The following DSCAM variants were observed in gnomAD, a reference collection of about 807,000 sequenced individuals.
DSCAM encodes DS cell adhesion molecule, also known as cell adhesion molecule DSCAM.
DSCAM carries 47 observed loss-of-function variants against 217.7 expected under a neutral mutation model. The observed-to-expected ratio is 0.22, with a 90% CI of 0.17 to 0.28. DSCAM has a LOEUF of 0.28. Among genes scored for constraint, DSCAM ranks in the 10% least tolerant of loss-of-function variants. DSCAM has a pLI of 1.00. For missense variants in DSCAM, 2,080 were observed against 2,618.3 expected (o/e 0.79, Z 4.49); for synonymous variants, 1,056 against 1,015.3 (o/e 1.04, Z -0.76).
At chr21:40,840,794 C>T (rs1436489263) in intron 1 of DSCAM, among the ~76,000 whole-genome samples, 1 of 151,992 alleles carries the variant, frequency 6.6e-6, no homozygotes, top group Admixed American at 6.5e-5. Flanking sequence ...AGAGCAAGTC[C>T]AGGAAAGCAA....
chr21:40,244,636 C>T (rs1417787376), intron 11 of DSCAM, among the ~76,000 whole-genome samples: 1 of 151,984 alleles, frequency 6.6e-6, no homozygotes, highest in Admixed American at 6.6e-5. Context: ...TGTTCTGGAC[C>T]AAAGCTAAGT....
chr21:40,672,803 CATCTA>C (rs2090292571), intron 3 of DSCAM, among the ~76,000 whole-genome samples: 2 of 152,290 alleles, frequency 1.3e-5, no homozygotes, highest in South Asian at 2.1e-4. Flanking sequence ...CTCACCCCCA[CATCTA>C]ATCTATCAGC....
intron 15 of DSCAM, among the ~76,000 whole-genome samples, chr21:40,176,813 T>C (rs2090737937): frequency 6.6e-6 from 1 of 152,224 alleles, no homozygotes; most frequent in African/African-American, 2.4e-5. Flanking sequence ...TCTGCAGACA[T>C]GCCAGGCAGC....
intron 11 of DSCAM, among the ~76,000 whole-genome samples, chr21:40,205,191 C>T (rs551007141): frequency 2.0e-5 from 3 of 152,304 alleles, no homozygotes; most frequent in South Asian, 2.1e-4. Flanking sequence ...GAGGTATTGA[C>T]GGCTCTAAAT....
intron 10 of DSCAM, among the ~76,000 whole-genome samples, chr21:40,283,472 A>G (rs2073789001): frequency 6.6e-6 from 1 of 152,258 alleles, no homozygotes; most frequent in Admixed American, 6.5e-5. Flanking sequence ...ATATATGCAT[A>G]GCTGTGTTCA....
intron 20 of DSCAM, among the ~76,000 whole-genome samples, chr21:40,119,357 G>A (rs2090006958): frequency 6.6e-6 from 1 of 152,164 alleles, no homozygotes; most frequent in Admixed American, 6.6e-5. Flanking sequence ...AGCTAAATCA[G>A]AACACAGGAA....
chr21:40,212,279 T>C (rs1307899806), intron 11 of DSCAM: 1 of 154,348 alleles, frequency 6.5e-6, no homozygotes, highest in East Asian at 1.9e-4. Flanking sequence ...ATTCTGCAAC[T>C]TTTTTTATTG....
At chr21:40,663,418 T>C (rs2090164248) in intron 3 of DSCAM, among the ~76,000 whole-genome samples, 1 of 152,078 alleles carries the variant, frequency 6.6e-6, no homozygotes, top group Non-Finnish European at 1.5e-5. Context: ...TGGAATTGCC[T>C]GTGTTGCCGG....
intron 1 of DSCAM, among the ~76,000 whole-genome samples, chr21:40,791,528 G>T (rs9982423): frequency 1.3e-5 from 2 of 151,600 alleles, no homozygotes; most frequent in African/African-American, 4.8e-5. Flanking sequence ...GCTGGCGGGC[G>T]CCTGTAGTCC....
intron 1 of DSCAM, among the ~76,000 whole-genome samples, chr21:40,744,230 T>C (rs979510915): frequency 3.9e-5 from 6 of 152,122 alleles, no homozygotes; most frequent in Non-Finnish European, 8.8e-5. Context: ...CTAGGAGGGC[T>C]GAACTACCTG....
intron 5 of DSCAM, among the ~76,000 whole-genome samples, chr21:40,351,857 C>T (rs1198221021): frequency 1.3e-5 from 2 of 152,122 alleles, no homozygotes; most frequent in Non-Finnish European, 2.9e-5. Context: ...AACAACACAT[C>T]TTTGTGGATG....
chr21:40,023,234 G>A (rs2146427045), intron 32 of DSCAM, among the ~76,000 whole-genome samples: 1 of 152,168 alleles, frequency 6.6e-6, no homozygotes. Flanking sequence ...AGTGTTCCAT[G>A]GTGTATATGT....
intron 3 of DSCAM, among the ~76,000 whole-genome samples, chr21:40,544,756 A>T (rs554661545): frequency 6.6e-6 from 1 of 152,334 alleles, no homozygotes; most frequent in African/African-American, 2.4e-5. Context: ...TAGGAAATGT[A>T]CTTTAGCCAT....
chr21:40,056,019 A>C (rs1028885711), intron 28 of DSCAM, among the ~76,000 whole-genome samples, 179 bp from the exon 29 acceptor site: 3 of 152,242 alleles, frequency 2.0e-5, no homozygotes, highest in Non-Finnish European at 4.4e-5. Flanking sequence ...TTTATTTATT[A>C]ATATTAAATT....
At chr21:40,401,598 G>A (rs1266337708) in intron 3 of DSCAM, among the ~76,000 whole-genome samples, 1 of 152,114 alleles carries the variant, frequency 6.6e-6, no homozygotes. Flanking sequence ...ATCCCTAAAG[G>A]GTCTTGGAGA....
intron 1 of DSCAM, among the ~76,000 whole-genome samples, chr21:40,737,966 C>T (rs554735053): frequency 4.1e-4 from 62 of 152,294 alleles, no homozygotes; most frequent in African/African-American, 1.4e-3. Context: ...TCTGACCACA[C>T]TTTAGTCTGA....
chr21:40,822,284 A>G (rs1197973477), intron 1 of DSCAM, among the ~76,000 whole-genome samples: 1 of 130,470 alleles, frequency 7.7e-6, no homozygotes, highest in Non-Finnish European at 1.6e-5. Context: ...GCACCACTGC[A>G]CTCCAGCCTG....
At chr21:40,210,030 C>A (rs565978814) in intron 11 of DSCAM, among the ~76,000 whole-genome samples, 17 of 152,330 alleles carry the variant, frequency 1.1e-4, no homozygotes, top group African/African-American at 2.9e-4. Context: ...TACCCACTAA[C>A]TCCTTCTTTA....
At chr21:40,321,167 T>C (rs1258791053) in intron 8 of DSCAM, among the ~76,000 whole-genome samples, 4 of 152,224 alleles carry the variant, frequency 2.6e-5, no homozygotes, top group Non-Finnish European at 5.9e-5. Context: ...GACCTGGCCT[T>C]GTTCTTCCTT....
Sources: allele counts gnomAD v4.1 joint callset (sites outside exome capture counted in the v4.1 genomes callset), GRCh38; gene constraint gnomAD v4.1.1; transcripts MANE v1.5; gene names NCBI Gene and HGNC (gene_info 2026-07-23, HGNC 2026-07-21).